Variants in NEK11 observed in about 807,000 individuals in gnomAD.
The protein encoded by NEK11 is serine/threonine-protein kinase Nek11.
In NEK11, 72 loss-of-function variants were observed where a neutral mutation model predicts 80.7. The ratio of observed to expected loss-of-function variants is 0.89; its 90% CI spans 0.74 to 1.08. The LOEUF is 1.08. NEK11 is among the 50% of genes least tolerant of loss of function. The pLI is 0.00. For missense variants in NEK11, 764 were observed against 763.6 expected, an observed-to-expected ratio of 1.00 and a Z score of -0.01; for synonymous variants, 251 against 260.7, an observed-to-expected ratio of 0.96 and a Z score of 0.36.
chr3:131,132,914 T>A, intron 6 of NEK11, 105 bp downstream of exon 6: 1 of 568,598 alleles, frequency 1.8e-6, no homozygotes, highest in Non-Finnish European at 3.1e-6. Context: ...AGAGTAATCA[T>A]TGGTTTGTTT....
At chr3:131,115,921 TCTTTC>T (rs1163585863) in intron 5 of NEK11, among the ~76,000 whole-genome samples, 5 of 97,754 alleles carry the variant, frequency 5.1e-5, no homozygotes, top group African/African-American at 1.6e-4. Flanking sequence ...TTTCTTTCTT[TCTTTC>T]TTTCTTTCTT....
intron 17 of NEK11, among the ~76,000 whole-genome samples, chr3:131,273,883 A>T (rs930701653): frequency 1.3e-5 from 2 of 152,138 alleles, no homozygotes; most frequent in African/African-American, 4.8e-5. Context: ...GCTGAAAATT[A>T]TTTCCAAGCC....
At chr3:131,265,293 A>T (rs2096026468) in intron 16 of NEK11, among the ~76,000 whole-genome samples, 1 of 152,142 alleles carries the variant, frequency 6.6e-6, no homozygotes, top group Non-Finnish European at 1.5e-5. Context: ...GTCTTGTGCC[A>T]GTTTTCAAAG....
intron 7 of NEK11, among the ~76,000 whole-genome samples, chr3:131,138,556 G>A (rs1414506879): frequency 6.6e-6 from 1 of 152,094 alleles, no homozygotes; most frequent in African/African-American, 2.4e-5. Context: ...CCAGGGCCTT[G>A]AGTGAACATA....
chr3:131,092,297 G>A (rs146636396), intron 4 of NEK11, among the ~76,000 whole-genome samples: 1 of 152,252 alleles, frequency 6.6e-6, no homozygotes, highest in East Asian at 1.9e-4. Flanking sequence ...ACAACAGATG[G>A]CTGTATATGA....
intron 7 of NEK11, among the ~76,000 whole-genome samples, chr3:131,147,889 T>A (rs1244160194): frequency 2.0e-5 from 3 of 151,962 alleles, no homozygotes; most frequent in African/African-American, 7.2e-5. Context: ...TTCATTACAA[T>A]GTTGAATAGA....
At chr3:131,304,011 T>C (rs1053724800) in intron 17 of NEK11, among the ~76,000 whole-genome samples, 5 of 152,240 alleles carry the variant, frequency 3.3e-5, no homozygotes, top group African/African-American at 1.2e-4. Flanking sequence ...TTGGTCTCTT[T>C]ACATAATTCT....
intron 15 of NEK11, among the ~76,000 whole-genome samples, chr3:131,232,017 C>T (rs375762443): frequency 2.0e-5 from 3 of 152,186 alleles, no homozygotes; most frequent in African/African-American, 7.2e-5. Context: ...CCACCCATGA[C>T]AATCTTTTTA....
At chr3:131,049,343 T>A (rs181779909) in intron 3 of NEK11, among the ~76,000 whole-genome samples, 20 of 152,326 alleles carry the variant, frequency 1.3e-4, no homozygotes, top group Admixed American at 3.9e-4. Context: ...AAAGAGATGA[T>A]TGACGGTTGC....
At chr3:131,163,583 A>AG (rs2091894545) in intron 11 of NEK11, among the ~76,000 whole-genome samples, 2 of 152,160 alleles carry the variant, frequency 1.3e-5, no homozygotes, top group South Asian at 4.2e-4. Context: ...TACTAGGGGC[A>AG]GGGGGGCATG....
chr3:131,226,438 A>T (rs1449215941), intron 14 of NEK11, among the ~76,000 whole-genome samples: 1 of 151,102 alleles, frequency 6.6e-6, no homozygotes, highest in Non-Finnish European at 1.5e-5. Context: ...ACTGCCCATC[A>T]CTGATGAGTG....
Position 131,054,778 on chromosome 3 carries a change from AAATAAATAAATAAATG to A in NEK11, c.170+24904_170+24919del, listed in dbSNP as rs1462109505. On this transcript the variant is annotated intron_variant, in intron 3 of 17. Transcript: ENST00000383366. ...TAAATAAATAAATAAATAAATAAAT[AAATAAATAAATAAATG>A]AATGAATGTACCCGGTAGATATGGA... Among the ~76,000 whole-genome samples the A allele has an allele frequency of 5.7e-3, 827 of 145,370 alleles. 11 individuals are homozygous for A. Among genetic ancestry groups the A allele is most frequent in the African/African-American group, 0.02 (785 of 38,446 alleles).
chr3:131,292,368 T>G (rs1190951226), intron 17 of NEK11, among the ~76,000 whole-genome samples: 3 of 152,250 alleles, frequency 2.0e-5, no homozygotes, highest in Admixed American at 6.5e-5. Context: ...TTTCAAACTT[T>G]GTTTTCAATT....
intron 5 of NEK11, among the ~76,000 whole-genome samples, chr3:131,125,725 A>G (rs1228803910): frequency 6.6e-6 from 1 of 152,224 alleles, no homozygotes; most frequent in Non-Finnish European, 1.5e-5. Flanking sequence ...GGATTAATGA[A>G]TGAGTCCCAC....
chr3:131,262,417 C>T (rs187789690), intron 16 of NEK11, among the ~76,000 whole-genome samples: 88 of 152,246 alleles, frequency 5.8e-4, no homozygotes, highest in African/African-American at 2.1e-3. Context: ...ATATGCCTAT[C>T]ATATTCTATA....
At chr3:131,280,395 C>T (rs944873834) in intron 17 of NEK11, among the ~76,000 whole-genome samples, 3 of 151,888 alleles carry the variant, frequency 2.0e-5, no homozygotes, top group African/African-American at 4.8e-5. Flanking sequence ...TTTTTTCCCT[C>T]TCTGTCTGTC....
At chr3:131,119,640 G>T (rs1226536286) in intron 5 of NEK11, among the ~76,000 whole-genome samples, 8 of 152,168 alleles carry the variant, frequency 5.3e-5, no homozygotes, top group African/African-American at 1.2e-4. Context: ...CTTGCTTTAT[G>T]AATCTGGGTT....
At chr3:131,148,527 T>C (rs2149772040) in intron 7 of NEK11, among the ~76,000 whole-genome samples, 1 of 152,052 alleles carries the variant, frequency 6.6e-6, no homozygotes, top group Admixed American at 6.6e-5. Flanking sequence ...CAAATATCTA[T>C]ATTGAGAAGA....
At chr3:131,265,619 G>A (rs1187072723) in intron 16 of NEK11, among the ~76,000 whole-genome samples, 2 of 152,168 alleles carry the variant, frequency 1.3e-5, no homozygotes, top group Non-Finnish European at 2.9e-5. Flanking sequence ...CAGTTTGCCA[G>A]TATTTTATTG....
Sources: allele counts gnomAD v4.1 joint callset (sites outside exome capture counted in the v4.1 genomes callset), GRCh38; gene constraint gnomAD v4.1.1; transcripts MANE v1.5; gene names NCBI Gene and HGNC (gene_info 2026-07-23, HGNC 2026-07-21).